Variants in SCAPER observed in about 807,000 individuals in gnomAD.
SCAPER encodes the protein S phase cyclin A-associated protein in the endoplasmic reticulum.
SCAPER carries 98 observed loss-of-function variants against 182.2 expected under a neutral mutation model. The observed-to-expected ratio is 0.54, with a 90% CI of 0.46 to 0.64. The LOEUF is 0.64. SCAPER is among the 30% of genes least tolerant of loss of function. The pLI is 0.00. For missense variants in SCAPER, 1,432 were observed against 1,690.0 expected (o/e 0.85, Z 2.68); for synonymous variants, 605 against 564.6 (o/e 1.07, Z -1.01).
chr15:76,559,534 C>T (rs1031639852), intron 23 of SCAPER, among the ~76,000 whole-genome samples: 1 of 152,110 alleles, frequency 6.6e-6, no homozygotes, highest in Admixed American at 6.5e-5. Context: ...TATAAATTGC[C>T]CAATATGTGG....
At chr15:76,827,172 T>C (rs1418478227) in intron 5 of SCAPER, among the ~76,000 whole-genome samples, 3 of 152,224 alleles carry the variant, frequency 2.0e-5, no homozygotes, top group Non-Finnish European at 4.4e-5. Context: ...TTTCTCTTTC[T>C]TTCCATTTCC....
At chr15:76,526,542 T>C (rs904894390) in intron 23 of SCAPER, among the ~76,000 whole-genome samples, 2 of 152,196 alleles carry the variant, frequency 1.3e-5, no homozygotes. Context: ...CAAATAAACA[T>C]CAATGGAGCC....
At chr15:76,363,394 G>C (rs1347200093) in intron 29 of SCAPER, among the ~76,000 whole-genome samples, 1 of 152,226 alleles carries the variant, frequency 6.6e-6, no homozygotes, top group Non-Finnish European at 1.5e-5. Context: ...CTATGTGTGA[G>C]AACAGTTAGC....
At chr15:76,813,211 T>G (rs1324167797) in intron 5 of SCAPER, among the ~76,000 whole-genome samples, 1 of 104,428 alleles carries the variant, frequency 9.6e-6, no homozygotes, top group Non-Finnish European at 1.8e-5. Context: ...GCAGACAGAG[T>G]TCAATATCCT....
At chr15:76,524,902 A>G (rs2043091782) in intron 23 of SCAPER, among the ~76,000 whole-genome samples, 1 of 152,022 alleles carries the variant, frequency 6.6e-6, no homozygotes, top group African/African-American at 2.4e-5. Context: ...AAAATTAAAC[A>G]TAATTACTGA....
At chr15:76,895,926 G>C (rs958271406) in intron 1 of SCAPER, among the ~76,000 whole-genome samples, 6 of 152,036 alleles carry the variant, frequency 3.9e-5, no homozygotes, top group South Asian at 4.2e-4. Flanking sequence ...TGTAGTCCCA[G>C]CTACTTGGGA....
intron 2 of SCAPER, among the ~76,000 whole-genome samples, chr15:76,869,210 G>A (rs1484016034): frequency 6.6e-6 from 1 of 152,042 alleles, no homozygotes; most frequent in Non-Finnish European, 1.5e-5. Context: ...TCTGGGTAAA[G>A]AATTTTTGTG....
intron 24 of SCAPER, among the ~76,000 whole-genome samples, chr15:76,504,366 C>T (rs901195281): frequency 1.3e-5 from 2 of 152,104 alleles, no homozygotes; most frequent in South Asian, 2.1e-4. Context: ...AGCAATTTAC[C>T]GTTAAAGACC....
intron 2 of SCAPER, among the ~76,000 whole-genome samples, chr15:76,880,721 G>GA (rs11321833): frequency 3.6e-4 from 47 of 131,750 alleles, no homozygotes; most frequent in African/African-American, 4.5e-4. Context: ...TAAGTGAAAA[G>GA]AAAAAAAAAA....
chr15:76,688,648 A>G (rs967743467), intron 20 of SCAPER, among the ~76,000 whole-genome samples: 6 of 152,034 alleles, frequency 3.9e-5, no homozygotes, highest in African/African-American at 1.4e-4. Flanking sequence ...TTTTCTGCAT[A>G]TGGCTAGCCA....
At chr15:76,802,369 A>G (rs1206590106) in intron 6 of SCAPER, among the ~76,000 whole-genome samples, 4 of 152,132 alleles carry the variant, frequency 2.6e-5, no homozygotes, top group Non-Finnish European at 5.9e-5. Flanking sequence ...AAGACAATAC[A>G]GCCACAAGTC....
Position 76,733,390 on chromosome 15 carries a change from A to G in SCAPER, c.1867-6T>C, listed in dbSNP as rs566446208. The stretch of plus-strand genomic sequence containing the variant: ...ATAAAGGCAATTTCATTTACCTTTA[A>G]AAAAACAAAGAAGGTAAGGTTCAGA... On this transcript the variant is annotated splice_polypyrimidine_tract_variant and splice_region_variant and intron_variant, in intron 15 of 31. Transcript: ENST00000563290. The G allele has an allele frequency of 6.2e-7, 1 of 1,610,544 alleles. No homozygotes were observed. Among genetic ancestry groups the G allele is most frequent in the Non-Finnish European group, 8.5e-7 (1 of 1,179,002 alleles).
At chr15:76,690,845 AAAAAGT>A (rs1308246516) in intron 20 of SCAPER, among the ~76,000 whole-genome samples, 2 of 152,288 alleles carry the variant, frequency 1.3e-5, no homozygotes, top group Middle Eastern at 3.4e-3. Context: ...ATGAGACTAG[AAAAAGT>A]AAAACTATAG....
intron 20 of SCAPER, among the ~76,000 whole-genome samples, chr15:76,679,057 C>G (rs1262433379): frequency 6.6e-6 from 1 of 152,122 alleles, no homozygotes; most frequent in Non-Finnish European, 1.5e-5. Context: ...CTCTTTAAAG[C>G]TGATTTGTAA....
At chr15:76,636,347 G>C (rs927209115) in intron 21 of SCAPER, among the ~76,000 whole-genome samples, 2 of 151,888 alleles carry the variant, frequency 1.3e-5, no homozygotes, top group Non-Finnish European at 2.9e-5. Flanking sequence ...TTATTCCCTA[G>C]AGATCTCTAT....
intron 20 of SCAPER, among the ~76,000 whole-genome samples, chr15:76,682,726 C>A (rs1310927325): frequency 6.6e-6 from 1 of 152,060 alleles, no homozygotes; most frequent in African/African-American, 2.4e-5. Flanking sequence ...CCTCAAGGGG[C>A]CAGAAAACAA....
intron 17 of SCAPER, among the ~76,000 whole-genome samples, chr15:76,706,823 AAAAT>A (rs549260722): frequency 7.9e-5 from 12 of 152,116 alleles, no homozygotes; most frequent in Admixed American, 3.3e-4. Flanking sequence ...ACAATAAATT[AAAAT>A]AAATAAATAA....
chr15:76,857,232 G>A (rs1026423099), intron 4 of SCAPER, among the ~76,000 whole-genome samples: 2 of 151,760 alleles, frequency 1.3e-5, no homozygotes, highest in Non-Finnish European at 2.9e-5. Flanking sequence ...CAGGAGTTTG[G>A]GACCAGCCTG....
At chr15:76,416,317 G>GAAAAAAA (rs61396507) in intron 26 of SCAPER, among the ~76,000 whole-genome samples, 2 of 144,260 alleles carry the variant, frequency 1.4e-5, no homozygotes, top group African/African-American at 2.6e-5. Flanking sequence ...TCTACTAAAA[G>GAAAAAAA]AAAAAAAAAA....
Sources: gnomAD v4.1 joint callset for allele counts (sites outside exome capture counted in the v4.1 genomes callset) on GRCh38, gnomAD v4.1.1 for gene constraint, MANE v1.5 for transcripts, NCBI Gene and HGNC (gene_info 2026-07-23, HGNC 2026-07-21) for gene names.